USP34: variants seen among roughly 807,000 people sequenced by gnomAD.
The protein encoded by USP34 is ubiquitin carboxyl-terminal hydrolase 34.
A neutral mutation model predicts 460.3 loss-of-function variants in USP34; 70 were observed. That is an observed-to-expected ratio of 0.15 (90% confidence interval 0.13 to 0.19). USP34 has a LOEUF of 0.19. Ranked by LOEUF, USP34 falls within the 10% of genes least tolerant of loss-of-function variation. The probability of loss-of-function intolerance (pLI) is 1.00; values close to 1 mark genes in which losing one functional copy is unlikely to be tolerated. For synonymous variants in USP34, 1,647 were observed against 1,405.3 expected, an observed-to-expected ratio of 1.17 and a Z score of -3.85; for missense variants, 3,985 against 4,236.2, an observed-to-expected ratio of 0.94 and a Z score of 1.65.
At chr2:61,415,407 CT>C (rs1237641564) in intron 2 of USP34, among the ~76,000 whole-genome samples, 3 of 152,080 alleles carry the variant, frequency 2.0e-5, no homozygotes, top group Non-Finnish European at 4.4e-5. Context: ...AACTAGAGAA[CT>C]TTTTTGGCTC....
At chr2:61,430,461 C>A (rs1694637261) in intron 1 of USP34, among the ~76,000 whole-genome samples, 1 of 152,064 alleles carries the variant, frequency 6.6e-6, no homozygotes, top group African/African-American at 2.4e-5. Flanking sequence ...AGCACATCAG[C>A]AGTTACGACA....
intron 40 of USP34, 25 bp from the exon 41 acceptor site, chr2:61,278,310 A>C (rs1320427578): frequency 2.5e-6 from 4 of 1,611,704 alleles, no homozygotes; most frequent in Admixed American, 3.4e-5. Context: ...AAAAATACAC[A>C]CAAGCAAGAT....
chr2:61,332,692 T>C (rs144568614), intron 19 of USP34, among the ~76,000 whole-genome samples: 55 of 152,146 alleles, frequency 3.6e-4, no homozygotes, highest in African/African-American at 1.2e-3. Context: ...ACACTATTCT[T>C]GTTCTTCAGT....
At chr2:61,298,351 C>T (rs1690098927) in intron 29 of USP34, among the ~76,000 whole-genome samples, 1 of 114,030 alleles carries the variant, frequency 8.8e-6, no homozygotes. Context: ...GAAACCCTGT[C>T]TCTACAAAAA....
chr2:61,408,234 G>A (rs1400873181), intron 2 of USP34, among the ~76,000 whole-genome samples: 2 of 152,072 alleles, frequency 1.3e-5, no homozygotes, highest in Admixed American at 6.5e-5. Context: ...CTATGACCTG[G>A]CCAACACCTT....
chr2:61,229,896 A>G (rs1687840951), intron 58 of USP34, among the ~76,000 whole-genome samples: 1 of 152,192 alleles, frequency 6.6e-6, no homozygotes, highest in Non-Finnish European at 1.5e-5. Flanking sequence ...ACAAAGCTTC[A>G]AAAAATCCTT....
chr2:61,428,314 G>A (rs1422917543), intron 1 of USP34, among the ~76,000 whole-genome samples: 1 of 149,146 alleles, frequency 6.7e-6, no homozygotes. Flanking sequence ...AACAAAGGGA[G>A]AAATCAGCCA....
chr2:61,279,652 G>C (rs1457292300), intron 39 of USP34, among the ~76,000 whole-genome samples: 1 of 152,142 alleles, frequency 6.6e-6, no homozygotes, highest in African/African-American at 2.4e-5. Context: ...TTTTAGTAGA[G>C]ATGGGGTTTC....
intron 41 of USP34, among the ~76,000 whole-genome samples, chr2:61,267,029 G>A (rs1185167932): frequency 1.3e-5 from 2 of 152,192 alleles, no homozygotes; most frequent in Non-Finnish European, 2.9e-5. Flanking sequence ...TAAAACCAAG[G>A]ACTCCTAGGC....
intron 5 of USP34, among the ~76,000 whole-genome samples, chr2:61,393,346 A>T (rs1572997305): frequency 6.6e-6 from 1 of 151,076 alleles, no homozygotes; most frequent in African/African-American, 2.4e-5. Flanking sequence ...CAGGAGAATC[A>T]CTTAAATCTG....
chr2:61,201,415 A>G (rs1686973505), intron 75 of USP34, among the ~76,000 whole-genome samples: 1 of 151,812 alleles, frequency 6.6e-6, no homozygotes, highest in African/African-American at 2.4e-5. Context: ...ACATTTCACC[A>G]TGTTGGCCAG....
In USP34 at chr2:61,416,820, T is replaced by G. The variant is rs553703196; in HGVS notation, c.131+3926A>C. The G allele has an allele frequency of 4.7e-3, 1,283 of 274,898 alleles. 6 individuals are homozygous for G. The highest frequency in any genetic ancestry group is 6.2e-3 in the Non-Finnish European group (989 of 158,244). The allele number at this position is 274,898 out of a possible 1,614,324, so 17.0% of individuals were successfully genotyped here. A position where few individuals can be genotyped will look rare whatever the true frequency, so the allele number is the denominator to read the frequency against. On this transcript the variant is annotated intron_variant, in intron 2 of 79. Coordinates refer to ENST00000398571, the MANE Select transcript of USP34 (RefSeq NM_014709.4). Reference sequence around the variant, plus strand: ...ATTAACCTCCCTAATCTTTTTTTTTTTGGGGGGGGGGACAGGAAGTAGAAT... The same window carrying G: ...ATTAACCTCCCTAATCTTTTTTTTTGTGGGGGGGGGGACAGGAAGTAGAAT...
intron 48 of USP34, among the ~76,000 whole-genome samples, chr2:61,250,966 G>C (rs932198651): frequency 5.9e-5 from 9 of 152,020 alleles, no homozygotes; most frequent in Non-Finnish European, 8.8e-5. Flanking sequence ...GTGAAACCCC[G>C]TGTCTACTAA....
intron 53 of USP34, among the ~76,000 whole-genome samples, chr2:61,238,650 A>G (rs1479375775): frequency 1.3e-5 from 2 of 152,236 alleles, no homozygotes; most frequent in African/African-American, 4.8e-5. Flanking sequence ...TCATGTACAC[A>G]GTATTTTACA....
intron 75 of USP34, among the ~76,000 whole-genome samples, chr2:61,201,765 A>G (rs1686984764): frequency 1.3e-5 from 2 of 152,238 alleles, no homozygotes; most frequent in Non-Finnish European, 2.9e-5. Flanking sequence ...CTGTCCGAGT[A>G]GCTAGAATAG....
At chr2:61,422,042 A>T (rs1370919741) in intron 1 of USP34, among the ~76,000 whole-genome samples, 1 of 152,232 alleles carries the variant, frequency 6.6e-6, no homozygotes, top group Non-Finnish European at 1.5e-5. Flanking sequence ...ACCTACACCC[A>T]AGACCAGGCT....
intron 1 of USP34, among the ~76,000 whole-genome samples, chr2:61,429,456 A>C (rs1694603753): frequency 6.6e-6 from 1 of 152,106 alleles, no homozygotes; most frequent in South Asian, 2.1e-4. Context: ...CAAAAAATAA[A>C]ATAAGATAAA....
At chr2:61,466,422 T>C (rs575062914) in intron 1 of USP34, among the ~76,000 whole-genome samples, 61 of 151,828 alleles carry the variant, frequency 4.0e-4, no homozygotes, top group Non-Finnish European at 4.4e-4. Context: ...AGAAACCCTA[T>C]CTCAAAAAAA....
At chr2:61,332,892 C>A (rs981256005) in intron 19 of USP34, among the ~76,000 whole-genome samples, 3 of 151,966 alleles carry the variant, frequency 2.0e-5, no homozygotes, top group Non-Finnish European at 4.4e-5. Context: ...GTATATGACT[C>A]AGAAGAATTA....
Sources: gnomAD v4.1 joint callset for allele counts (sites outside exome capture counted in the v4.1 genomes callset) on GRCh38, gnomAD v4.1.1 for gene constraint, MANE v1.5 for transcripts, NCBI Gene and HGNC (gene_info 2026-07-23, HGNC 2026-07-21) for gene names.